The following TM9SF3 variants were observed in gnomAD, a reference collection of about 807,000 sequenced individuals.
TM9SF3 encodes the protein SM-11044-binding protein.
A neutral mutation model predicts 78.6 loss-of-function variants in TM9SF3; 14 were observed. That is an observed-to-expected ratio of 0.18 (90% CI 0.12 to 0.28). The LOEUF (loss-of-function observed/expected upper bound fraction) is 0.28. TM9SF3 is among the 10% of genes least tolerant of loss of function. The pLI, the probability that TM9SF3 is intolerant of heterozygous loss-of-function variation, is 1.00. For synonymous variants in TM9SF3, 231 were observed against 241.7 expected (o/e 0.96, Z 0.41); for missense variants, 496 against 721.9 (o/e 0.69, Z 3.59).
chr10:96,574,196 G>A (rs1238994788), intron 2 of TM9SF3, among the ~76,000 whole-genome samples: 1 of 152,086 alleles, frequency 6.6e-6, no homozygotes, highest in African/African-American at 2.4e-5. Context: ...CTAATATCCA[G>A]AATCTACAAA....
At chr10:96,558,235 GA>G (rs1182524333) in intron 5 of TM9SF3, among the ~76,000 whole-genome samples, 1 of 152,156 alleles carries the variant, frequency 6.6e-6, no homozygotes, top group Non-Finnish European at 1.5e-5. Context: ...ATACCCTATT[GA>G]AGATTGCCTG....
chr10:96,553,578 CT>C (rs1449561485), intron 5 of TM9SF3, among the ~76,000 whole-genome samples: 1 of 151,144 alleles, frequency 6.6e-6, no homozygotes, highest in Non-Finnish European at 1.5e-5. Flanking sequence ...CCTTAAAATA[CT>C]AAGACTAAAC....
At chr10:96,577,846 G>C (rs1404841119) in intron 1 of TM9SF3, among the ~76,000 whole-genome samples, 1 of 152,040 alleles carries the variant, frequency 6.6e-6, no homozygotes, top group Non-Finnish European at 1.5e-5. Flanking sequence ...GGTTGCTATG[G>C]GGCACATAAT....
chr10:96,568,227 T>C (rs1035482509), intron 2 of TM9SF3, among the ~76,000 whole-genome samples: 33 of 152,214 alleles, frequency 2.2e-4, no homozygotes, highest in Admixed American at 2.2e-3. Flanking sequence ...TGAAAATAAC[T>C]AATGCAATGT....
intron 9 of TM9SF3, among the ~76,000 whole-genome samples, chr10:96,538,126 T>A (rs1319683391): frequency 6.6e-6 from 1 of 152,190 alleles, no homozygotes; most frequent in Non-Finnish European, 1.5e-5. Context: ...TATAAAGCTA[T>A]AGTAATCAAG....
At chr10:96,565,158 T>A in intron 3 of TM9SF3, 146 bp downstream of exon 3, 2 of 758,810 alleles carry the variant, frequency 2.6e-6, no homozygotes, top group Non-Finnish European at 3.8e-6. Flanking sequence ...CAGGTGACCA[T>A]AAAACTGGTA....
At chr10:96,522,729 A>G (rs1165338889) in intron 14 of TM9SF3, among the ~76,000 whole-genome samples, 1 of 151,960 alleles carries the variant, frequency 6.6e-6, no homozygotes, top group Non-Finnish European at 1.5e-5. Flanking sequence ...CCAAAATCCA[A>G]TAGATAAATA....
intron 5 of TM9SF3, among the ~76,000 whole-genome samples, chr10:96,558,505 G>A (rs1589456464): frequency 6.6e-6 from 1 of 152,044 alleles, no homozygotes; most frequent in East Asian, 1.9e-4. Flanking sequence ...AATTAGCCGG[G>A]CATGATGGTG....
At chr10:96,540,617 CT>C (rs879853876) in intron 9 of TM9SF3, among the ~76,000 whole-genome samples, 370 of 140,102 alleles carry the variant, frequency 2.6e-3, no homozygotes, top group Middle Eastern at 7.4e-3. Flanking sequence ...TAGAGCCATT[CT>C]TTTTTTTTTT....
intron 1 of TM9SF3, among the ~76,000 whole-genome samples, chr10:96,578,090 T>C (rs1848518360): frequency 1.3e-5 from 2 of 152,212 alleles, no homozygotes; most frequent in African/African-American, 2.4e-5. Flanking sequence ...CATTAACTTG[T>C]ATGTTCTTAC....
chr10:96,553,266 G>A (rs957525185), intron 5 of TM9SF3, among the ~76,000 whole-genome samples: 4 of 152,114 alleles, frequency 2.6e-5, no homozygotes, highest in Non-Finnish European at 5.9e-5. Flanking sequence ...GCACCCATAT[G>A]TTGAAAACAT....
intron 1 of TM9SF3, among the ~76,000 whole-genome samples, chr10:96,582,269 T>TAAAAGACAGGTAG (rs1848578709): frequency 6.6e-6 from 1 of 152,204 alleles, no homozygotes; most frequent in South Asian, 2.1e-4. Flanking sequence ...GAATTACATG[T>TAAAAGACAGGTAG]AAAAGACAGG....
chr10:96,537,405 T>C (rs918512614), intron 9 of TM9SF3, among the ~76,000 whole-genome samples: 2 of 152,240 alleles, frequency 1.3e-5, no homozygotes, highest in Non-Finnish European at 2.9e-5. Flanking sequence ...TAGGAGGCTA[T>C]ACCATCTAGG....
intron 9 of TM9SF3, among the ~76,000 whole-genome samples, chr10:96,540,552 T>C (rs1254514149): frequency 6.6e-6 from 1 of 152,090 alleles, no homozygotes; most frequent in African/African-American, 2.4e-5. Flanking sequence ...CCTCTTACTT[T>C]TTTTTGTTTA....
intron 7 of TM9SF3, among the ~76,000 whole-genome samples, chr10:96,549,227 C>T (rs1848138766): frequency 6.6e-6 from 1 of 152,198 alleles, no homozygotes; most frequent in Non-Finnish European, 1.5e-5. Context: ...ATAGTGACCA[C>T]AGAGGCAAAG....
intron 1 of TM9SF3, among the ~76,000 whole-genome samples, chr10:96,578,767 T>C (rs1848527258): frequency 6.6e-6 from 1 of 152,072 alleles, no homozygotes; most frequent in Non-Finnish European, 1.5e-5. Flanking sequence ...CTGATGAGAG[T>C]TGGTATTAGA....
chr10:96,574,002 G>A (rs1848468843), intron 2 of TM9SF3, among the ~76,000 whole-genome samples: 1 of 152,142 alleles, frequency 6.6e-6, no homozygotes, highest in South Asian at 2.1e-4. Context: ...TACCATTAAG[G>A]ACATAGGCAT....
chr10:96,566,872 C>T (rs1412488651), intron 2 of TM9SF3, among the ~76,000 whole-genome samples: 1 of 152,124 alleles, frequency 6.6e-6, no homozygotes, highest in Non-Finnish European at 1.5e-5. Flanking sequence ...ACTGCAGCTA[C>T]GGAAGGGATA....
At chr10:96,569,754 C>T (rs1240511228) in intron 2 of TM9SF3, among the ~76,000 whole-genome samples, 1 of 152,162 alleles carries the variant, frequency 6.6e-6, no homozygotes, top group East Asian at 1.9e-4. Flanking sequence ...GGGAGAAAGG[C>T]CGGGCGCAAT....
Sources: allele counts gnomAD v4.1 joint callset (sites outside exome capture counted in the v4.1 genomes callset), GRCh38; gene constraint gnomAD v4.1.1; transcripts MANE v1.5; gene names NCBI Gene and HGNC (gene_info 2026-07-23, HGNC 2026-07-21).